The following ZNF638 variants were observed in gnomAD, a reference collection of about 807,000 sequenced individuals.
ZNF638 encodes zinc finger protein 638, also known as CTCL tumor antigen se33-1.
In ZNF638, 46 loss-of-function variants were observed where a neutral mutation model predicts 195.6. The observed-to-expected ratio is 0.24, with a 90% confidence interval of 0.19 to 0.30. ZNF638 has a LOEUF of 0.30. Among genes scored for constraint, ZNF638 ranks in the 10% least tolerant of loss-of-function variants. The pLI, the probability that ZNF638 is intolerant of heterozygous loss-of-function variation, is 1.00. For missense variants in ZNF638, 2,440 were observed against 2,325.3 expected, an observed-to-expected ratio of 1.05 and a Z score of -1.01; for synonymous variants, 845 against 772.0, an observed-to-expected ratio of 1.09 and a Z score of -1.57.
intron 19 of ZNF638, chr2:71,407,187 T>TA (rs766747215): frequency 3.0e-4 from 46 of 152,152 alleles, no homozygotes; most frequent in Admixed American, 7.2e-4. Flanking sequence ...ACAATATTCA[T>TA]AAAAAGCACT....
intron 25 of ZNF638, among the ~76,000 whole-genome samples, chr2:71,429,836 C>T (rs1021499370): frequency 6.6e-6 from 1 of 152,090 alleles, no homozygotes; most frequent in African/African-American, 2.4e-5. Context: ...TTGATTATGC[C>T]CTCTCTTGAA....
chr2:71,338,847 A>G (rs2078715195), intron 1 of ZNF638, among the ~76,000 whole-genome samples: 1 of 152,146 alleles, frequency 6.6e-6, no homozygotes, highest in Non-Finnish European at 1.5e-5. Context: ...ATCCTTACTG[A>G]TTTTAAAAAT....
At chr2:71,358,403 T>C (rs2079058243) in intron 3 of ZNF638, among the ~76,000 whole-genome samples, 1 of 152,172 alleles carries the variant, frequency 6.6e-6, no homozygotes, top group Non-Finnish European at 1.5e-5. Context: ...CGCTCTCTCG[T>C]CTGGGCCTTG....
At chr2:71,395,337 C>T in intron 10 of ZNF638, 1 of 711,616 alleles carries the variant, frequency 1.4e-6, no homozygotes, top group Non-Finnish European at 2.6e-6. Context: ...AAACCTGATG[C>T]AAAAAACAAA....
chr2:71,418,722 C>A, intron 21 of ZNF638, 83 bp downstream of exon 21: 1 of 991,362 alleles, frequency 1.0e-6, no homozygotes, highest in South Asian at 2.1e-5. Flanking sequence ...TAATGGCTCA[C>A]ATGTAGTGAA....
chr2:71,418,665 C>G, intron 21 of ZNF638, 26 bp downstream of exon 21: 2 of 1,501,470 alleles, frequency 1.3e-6, no homozygotes, highest in South Asian at 1.3e-5. Flanking sequence ...TTTACTAACA[C>G]TTTTGTATAG....
intron 25 of ZNF638, among the ~76,000 whole-genome samples, chr2:71,429,125 CAAAAG>C (rs1395618718): frequency 4.6e-5 from 7 of 152,228 alleles, no homozygotes; most frequent in East Asian, 1.9e-4. Context: ...AAAGGGTAGA[CAAAAG>C]AAAGTACATA....
rs572400915 is a variant in ZNF638 at position 71,343,160 on chromosome 2, T to C, written c.-202-5593T>C. 2.6e-5 allele frequency among the ~76,000 whole-genome samples: 4 copies of C among 152,352 alleles called. No individual in the cohort carries two copies. The East Asian group carries it at 5.8e-4, about 22-fold the overall frequency. On this transcript the variant is annotated intron_variant, in intron 1 of 27. Coordinates refer to ENST00000264447, the MANE Select transcript of ZNF638 (RefSeq NM_014497.5). ...CTTTTCTGATACCTCAGCCTTGTTA[T>C]AATACTGACAAACGTTACTGAAATT...
At chr2:71,367,883 T>G (rs1184402314) in intron 6 of ZNF638, among the ~76,000 whole-genome samples, 1 of 152,182 alleles carries the variant, frequency 6.6e-6, no homozygotes, top group African/African-American at 2.4e-5. Flanking sequence ...ATTTTTAACG[T>G]AAGCGGTAAA....
intron 10 of ZNF638, chr2:71,388,436 A>G: frequency 1.5e-6 from 1 of 686,064 alleles, no homozygotes; most frequent in East Asian, 2.8e-5. Context: ...AGGCGGGGGC[A>G]ACAACTACCC....
intron 19 of ZNF638, 36 bp from the exon 20 acceptor site, chr2:71,408,086 A>G (rs763356701): frequency 2.5e-6 from 4 of 1,581,666 alleles, no homozygotes; most frequent in Admixed American, 3.8e-5. Flanking sequence ...CAATTTTTTT[A>G]AAGAACTATT....
In ZNF638 at chr2:71,399,615, A is replaced by G; in HGVS notation, c.2557A>G (p.Lys853Glu). 2 of 1,612,922 alleles carry G rather than the reference A, an allele frequency of 1.2e-6. No individual in the cohort carries two copies. The highest frequency in any genetic ancestry group is 1.7e-6 in the Non-Finnish European group (2 of 1,179,334). Residue 853 changes from lysine to glutamate, a missense_variant, in exon 13 of 28, where the codon AAA (lysine) becomes GAA (glutamate). Lys to Glu is a moderately conservative substitution (Grantham distance 56). Transcript: ENST00000264447. The stretch of plus-strand genomic sequence containing the variant: ...CAAAAAGACTGGGAATGTCAAAAAC[A>G]AAGACTCTAACAAACCTGTGACTAT... ...EAKKTGNVKN[K>E]DSNKPVTIPE...
At chr2:71,331,932 G>GAA (rs2078575968) in intron 1 of ZNF638, 57 bp downstream of exon 1, 6 of 986,098 alleles carry the variant, frequency 6.1e-6, no homozygotes, top group Non-Finnish European at 7.2e-6. Context: ...CGGTATCGTG[G>GAA]GGGTCCTGAG....
In ZNF638 at chr2:71,423,442, AAGG is replaced by A. The variant is rs1488945011; in HGVS notation, c.3934_3936del (p.Glu1312del). 1.2e-6 allele frequency: 2 copies of A among 1,613,316 alleles called. No individual in the cohort carries two copies. The highest frequency in any genetic ancestry group is 1.7e-6 in the Non-Finnish European group (2 of 1,179,866). On this transcript the variant is annotated inframe_deletion, in exon 22 of 28. Transcript: ENST00000264447. Reference sequence around the variant, plus strand: ...TGAAAAAAAAGGTAACATGGATGAAAAGGAGGAGAAGGAATTTAATACTAAGGA... The same window carrying A: ...TGAAAAAAAAGGTAACATGGATGAAAAGGAGAAGGAATTTAATACTAAGGA...
At chr2:71,334,631 A>G (rs1470357795) in intron 1 of ZNF638, 3 of 152,410 alleles carry the variant, frequency 2.0e-5, no homozygotes, top group African/African-American at 7.2e-5. Context: ...AACTGTAATA[A>G]TGCGGGTGAG....
intron 11 of ZNF638, among the ~76,000 whole-genome samples, chr2:71,397,205 G>A (rs1372500158): frequency 6.6e-6 from 1 of 152,100 alleles, no homozygotes; most frequent in African/African-American, 2.4e-5. Flanking sequence ...TAAGCTGATG[G>A]CCACCCCTTT....
In ZNF638 at chr2:71,403,904, C is replaced by T. The variant is rs2104439127; in HGVS notation, c.2864C>T (p.Ser955Phe). ...YIEINRKAAESMVKFYTCFPV... is the reference protein window; with the variant it reads ...YIEINRKAAEFMVKFYTCFPV... ...GAAATAAATAGAAAAGCTGCTGAGT[C>T]TATGGTAAAATTTTATACCTGCTTC... The change falls in exon 17 of 28, where the codon TCT becomes TTT. Residue 955 changes from serine to phenylalanine, a missense_variant. Around this residue, in one of 5 missense-constraint regions of ZNF638, gnomAD observed 1,883 missense variants for 1,739.1 expected, o/e 1.08. Transcript: ENST00000264447. 6.3e-7 allele frequency: 1 copy of T among 1,599,540 alleles called. No individual in the cohort carries two copies. Among genetic ancestry groups the T allele is most frequent in the Non-Finnish European group, 8.6e-7 (1 of 1,167,688 alleles).
chr2:71,416,752 G>C (rs1190150635), intron 20 of ZNF638, among the ~76,000 whole-genome samples: 4 of 84,734 alleles, frequency 4.7e-5, no homozygotes, highest in Non-Finnish European at 6.7e-5. Flanking sequence ...AGGTGTCAGT[G>C]TGCCCCTGCT....
intron 8 of ZNF638, among the ~76,000 whole-genome samples, chr2:71,371,586 C>A (rs774022100): frequency 3.9e-5 from 6 of 152,086 alleles, no homozygotes; most frequent in Non-Finnish European, 7.4e-5. Flanking sequence ...ATTTGCATTT[C>A]TGTGATGATC....
Sources: gnomAD v4.1 joint callset for allele counts (sites outside exome capture counted in the v4.1 genomes callset) on GRCh38, gnomAD v4.1.1 for gene constraint, gnomAD v4.1.1 regional missense constraint, MANE v1.5 for transcripts, NCBI Gene and HGNC (gene_info 2026-07-23, HGNC 2026-07-21) for gene names.